RABGAP1L: variants seen among roughly 807,000 people sequenced by gnomAD.
RABGAP1L encodes rab GTPase-activating protein 1-like.
In RABGAP1L, 63 loss-of-function variants were observed where a neutral mutation model predicts 137.7. That is an observed-to-expected ratio of 0.46 (90% CI 0.37 to 0.56). The LOEUF (loss-of-function observed/expected upper bound fraction) is 0.56, where lower values mean the gene tolerates loss of function less well. RABGAP1L is among the 20% of genes least tolerant of loss of function. The probability of loss-of-function intolerance (pLI) is 0.00; values close to 1 mark genes in which losing one functional copy is unlikely to be tolerated. For missense variants in RABGAP1L, 1,095 were observed against 1,244.0 expected (o/e 0.88, Z 1.80); for synonymous variants, 431 against 433.7 (o/e 0.99, Z 0.08).
At chr1:174,879,765 AC>A (rs1653844531) in intron 19 of RABGAP1L, among the ~76,000 whole-genome samples, 1 of 152,192 alleles carries the variant, frequency 6.6e-6, no homozygotes, top group Non-Finnish European at 1.5e-5. Flanking sequence ...AAAAAGCAAA[AC>A]AGATATAAAA....
At chr1:174,658,673 C>T (rs1355404357) in intron 14 of RABGAP1L, among the ~76,000 whole-genome samples, 7 of 152,106 alleles carry the variant, frequency 4.6e-5, no homozygotes, top group Admixed American at 3.9e-4. Flanking sequence ...CACATCCCCA[C>T]CTGGGTGGGC....
intron 13 of RABGAP1L, among the ~76,000 whole-genome samples, chr1:174,535,002 A>G (rs1020828543): frequency 7.2e-5 from 11 of 152,158 alleles, no homozygotes; most frequent in Admixed American, 6.5e-4. Flanking sequence ...TGCTCACATC[A>G]TGGTCAAAAG....
chr1:174,318,034 A>G (rs531564521), intron 11 of RABGAP1L, among the ~76,000 whole-genome samples: 1 of 143,812 alleles, frequency 7.0e-6, no homozygotes, highest in African/African-American at 2.7e-5. Context: ...TGGTATTGGC[A>G]GTTCAGGACT....
chr1:174,882,478 A>G (rs992685928), intron 19 of RABGAP1L, among the ~76,000 whole-genome samples: 1 of 152,192 alleles, frequency 6.6e-6, no homozygotes, highest in African/African-American at 2.4e-5. Context: ...TGACTAAACA[A>G]TACCTGCTGT....
At chr1:174,299,312 G>A (rs1158968395) in intron 10 of RABGAP1L, among the ~76,000 whole-genome samples, 1 of 152,162 alleles carries the variant, frequency 6.6e-6, no homozygotes, top group Non-Finnish European at 1.5e-5. Context: ...TGGAGCTCCT[G>A]GACCTGTTAG....
Position 174,250,652 on chromosome 1 carries a change from T to TA in RABGAP1L, c.875+25dup. On this transcript the variant is annotated intron_variant, in intron 6 of 25. Coordinates refer to ENST00000681986, the MANE Select transcript of RABGAP1L (RefSeq NM_001366446.1). ...CTTTAGGTGAGGCATTTGGAAAGAT[T>TA]AAAAATTCGCATTGTATCTGGAGTA... The TA allele has an allele frequency of 6.2e-7, 1 of 1,605,992 alleles. No individual in the cohort carries two copies. The highest frequency in any genetic ancestry group is 8.5e-7 in the Non-Finnish European group (1 of 1,175,466).
intron 11 of RABGAP1L, among the ~76,000 whole-genome samples, chr1:174,359,089 T>G (rs528423915): frequency 2.0e-5 from 3 of 152,192 alleles, no homozygotes; most frequent in Non-Finnish European, 4.4e-5. Flanking sequence ...CCTATTTTTT[T>G]CTATGTATAA....
At chr1:174,204,805 G>A (rs1042619657) in intron 1 of RABGAP1L, among the ~76,000 whole-genome samples, 1 of 152,138 alleles carries the variant, frequency 6.6e-6, no homozygotes, top group Non-Finnish European at 1.5e-5. Context: ...CTCACGAGAT[G>A]TGGAGTGTAG....
At chr1:174,367,060 CA>C (rs1320268128) in intron 11 of RABGAP1L, 1 of 152,180 alleles carries the variant, frequency 6.6e-6, no homozygotes, top group Non-Finnish European at 1.5e-5. Flanking sequence ...TTCAGCTTTT[CA>C]AACACAGTCG....
chr1:174,751,874 A>G (rs1270006861), intron 17 of RABGAP1L, among the ~76,000 whole-genome samples: 1 of 152,154 alleles, frequency 6.6e-6, no homozygotes. Flanking sequence ...AATCTGTCCC[A>G]CTTATCAGCA....
intron 7 of RABGAP1L, among the ~76,000 whole-genome samples, chr1:174,253,106 G>A (rs1436937676): frequency 6.6e-6 from 1 of 152,276 alleles, no homozygotes; most frequent in South Asian, 2.1e-4. Context: ...TAGATGACAG[G>A]AAAAGGTAAT....
intron 13 of RABGAP1L, among the ~76,000 whole-genome samples, chr1:174,608,813 A>G (rs1670973407): frequency 6.6e-6 from 1 of 152,152 alleles, no homozygotes; most frequent in African/African-American, 2.4e-5. Context: ...AAGTTTAGGA[A>G]ATTGATTATT....
intron 10 of RABGAP1L, among the ~76,000 whole-genome samples, chr1:174,299,932 A>G (rs1571977257): frequency 6.6e-6 from 1 of 152,298 alleles, no homozygotes; most frequent in South Asian, 2.1e-4. Flanking sequence ...TAAGACAACA[A>G]TTGTCTGTGA....
chr1:174,208,115 G>A (rs999046171), intron 1 of RABGAP1L, among the ~76,000 whole-genome samples: 11 of 152,020 alleles, frequency 7.2e-5, no homozygotes, highest in African/African-American at 1.7e-4. Context: ...TTATACCTAA[G>A]TATTTCAATT....
intron 20 of RABGAP1L, among the ~76,000 whole-genome samples, chr1:174,958,421 A>G (rs1247331750): frequency 6.6e-6 from 1 of 152,202 alleles, no homozygotes; most frequent in African/African-American, 2.4e-5. Flanking sequence ...AACATGCTTT[A>G]ACTTTTCAGA....
intron 4 of RABGAP1L, 65 bp downstream of exon 4, chr1:174,231,420 T>C (rs533199653): frequency 2.1e-6 from 3 of 1,427,562 alleles, no homozygotes; most frequent in East Asian, 2.3e-5. Context: ...GAAGATGTTA[T>C]AGCATCATCA....
intron 13 of RABGAP1L, among the ~76,000 whole-genome samples, chr1:174,608,804 A>G: frequency 6.6e-6 from 1 of 152,170 alleles, no homozygotes; most frequent in East Asian, 1.9e-4. Context: ...AAGGGCAGAA[A>G]GTTTAGGAAA....
chr1:174,165,387 T>A (rs1170912329), intron 1 of RABGAP1L, among the ~76,000 whole-genome samples: 1 of 152,168 alleles, frequency 6.6e-6, no homozygotes, highest in Admixed American at 6.5e-5. Context: ...TGACCTCAGG[T>A]GATCCATCCG....
At chr1:174,713,002 C>T (rs866263936) in intron 17 of RABGAP1L, among the ~76,000 whole-genome samples, 4 of 152,254 alleles carry the variant, frequency 2.6e-5, no homozygotes, top group Middle Eastern at 3.4e-3. Context: ...TATTTGGGGA[C>T]GAAAACAGAA....
Sources: gnomAD v4.1 joint callset for allele counts (sites outside exome capture counted in the v4.1 genomes callset) on GRCh38, gnomAD v4.1.1 for gene constraint, MANE v1.5 for transcripts, NCBI Gene and HGNC (gene_info 2026-07-23, HGNC 2026-07-21) for gene names.